SGPL1: variants seen among roughly 807,000 people sequenced by gnomAD.
SGPL1 encodes the protein SP-lyase 1.
Under a neutral mutation model 68.9 loss-of-function variants are expected in SGPL1, and 37 were observed. That is an observed-to-expected ratio of 0.54 (90% CI 0.41 to 0.71). SGPL1 has a LOEUF of 0.71. Among genes scored for constraint, SGPL1 ranks in the 30% least tolerant of loss-of-function variants. The pLI, the probability that SGPL1 is intolerant of heterozygous loss-of-function variation, is 0.00. For synonymous variants in SGPL1, 236 were observed against 248.5 expected (o/e 0.95, Z 0.47); for missense variants, 551 against 704.6 (o/e 0.78, Z 2.47).
At chr10:70,856,558 A>G (rs1339190513) in intron 5 of SGPL1, among the ~76,000 whole-genome samples, 1 of 152,238 alleles carries the variant, frequency 6.6e-6, no homozygotes, top group African/African-American at 2.4e-5. Flanking sequence ...TATTTTTGAA[A>G]GGCTGGTGAC....
chr10:70,855,654 CTAT>C lies in SGPL1; in HGVS notation c.409+805_409+807del, dbSNP rs1448769562. On this transcript the variant is annotated intron_variant, in intron 5 of 14. Transcript: ENST00000373202. Reference sequence around the variant, plus strand: ...ATTCAGTAAATGTTAAACATTATTGCTATTATTAACTCAAACAGATTTATGTTT... The same window carrying C: ...ATTCAGTAAATGTTAAACATTATTGCTATTAACTCAAACAGATTTATGTTT... Among the ~76,000 whole-genome samples the C allele has an allele frequency of 3.3e-5, 5 of 152,274 alleles. No individual in the cohort carries two copies. The East Asian group carries it at 7.7e-4, about 23-fold the overall frequency.
In SGPL1 at chr10:70,878,060, ACC is replaced by A. The variant is rs1475635692; in HGVS notation, c.*727_*728del. 6.6e-6 allele frequency: 1 copy of A among 151,658 alleles called. No individual in the cohort carries two copies. 9.4% of individuals were successfully genotyped at this position (151,658 alleles called of 1,614,324 possible). On this transcript the variant is annotated 3_prime_UTR_variant, in exon 15 of 15. Coordinates refer to ENST00000373202, the MANE Select transcript of SGPL1 (RefSeq NM_003901.4). ...TCTTGAACTCCTGACCTCAGGTGATACCCGCCCCCCCGCCTCAGCCTCCCAAA... is the reference window on the plus strand; with the variant it reads ...TCTTGAACTCCTGACCTCAGGTGATACGCCCCCCCGCCTCAGCCTCCCAAA...
In SGPL1 at chr10:70,855,188, G is replaced by A. The variant is rs182978568; in HGVS notation, c.409+333G>A. On this transcript the variant is annotated intron_variant, in intron 5 of 14. Transcript: ENST00000373202. ...AGATCCATGTAAAAATGTGAAATCT[G>A]CATAAAGGCACAAAAGAAAATAAGT... 4.6e-5 allele frequency among the ~76,000 whole-genome samples: 7 copies of A among 152,312 alleles called. No homozygotes were observed. The East Asian group carries it at 1.2e-3, about 25-fold the overall frequency.
intron 1 of SGPL1, among the ~76,000 whole-genome samples, chr10:70,816,561 C>T (rs1219062079): frequency 6.6e-6 from 1 of 152,186 alleles, no homozygotes; most frequent in African/African-American, 2.4e-5. Context: ...CCCTAGTTTC[C>T]ACCTGGGTGG....
At chr10:70,844,392 T>C in intron 2 of SGPL1, 81 bp from the exon 3 acceptor site, 1 of 1,296,400 alleles carries the variant, frequency 7.7e-7, no homozygotes, top group Non-Finnish European at 1.1e-6. Context: ...CCTTGAAAAA[T>C]GAGAGTTGAA....
chr10:70,852,733 C>T (rs965132052), intron 4 of SGPL1, among the ~76,000 whole-genome samples: 15 of 149,540 alleles, frequency 1.0e-4, no homozygotes, highest in African/African-American at 3.0e-4. Flanking sequence ...TGTGTGCGCG[C>T]GCACGCGTGT....
intron 2 of SGPL1, among the ~76,000 whole-genome samples, chr10:70,839,364 A>G (rs1186599795): frequency 2.6e-5 from 4 of 151,158 alleles, no homozygotes; most frequent in Non-Finnish European, 4.4e-5. Context: ...TTCTAGAGGA[A>G]TACCTTTCCA....
chr10:70,827,929 T>G lies in SGPL1; in HGVS notation c.27+11049T>G, dbSNP rs376427499. Among the ~76,000 whole-genome samples, 28 of 152,330 alleles carry G rather than the reference T, an allele frequency of 1.8e-4. No homozygotes were observed. In the South Asian group the frequency reaches 5.8e-3, roughly 32 times the overall value. On this transcript the variant is annotated intron_variant, in intron 2 of 14. Transcript: ENST00000373202. ...TGTGAGTGGCCTTTTTGCTCAACAT[T>G]GTGTTTGTGAGATTCAGTCATGTTC...
chr10:70,820,596 G>A (rs1251159103), intron 2 of SGPL1: 1 of 152,048 alleles, frequency 6.6e-6, no homozygotes, highest in Non-Finnish European at 1.5e-5. Context: ...TCAACATGGC[G>A]AAACTCTGTC....
chr10:70,867,725 G>A (rs1846220581), intron 7 of SGPL1, among the ~76,000 whole-genome samples: 1 of 152,050 alleles, frequency 6.6e-6, no homozygotes, highest in African/African-American at 2.4e-5. Flanking sequence ...TTTGAACTCT[G>A]GTAAAGAAAT....
At position 70,880,943 on chromosome 10, in the gene SGPL1, G is replaced by A. The variant is rs759903062; in HGVS notation, c.*3608G>A. On this transcript the variant is annotated 3_prime_UTR_variant, in exon 15 of 15. Coordinates refer to ENST00000373202, the MANE Select transcript of SGPL1 (RefSeq NM_003901.4). The stretch of plus-strand genomic sequence containing the variant: ...TTCTCTGTAGGTTCTTGGCAGCAAT[G>A]AGCAGCTTTCACTCAGTGACACAAG... 2 of 152,162 alleles carry A rather than the reference G, an allele frequency of 1.3e-5. No individual in the cohort carries two copies. The highest frequency in any genetic ancestry group is 2.9e-5 in the Non-Finnish European group (2 of 68,052). 9.4% of individuals were successfully genotyped at this position (152,162 alleles called of 1,614,324 possible). A position where few individuals can be genotyped will look rare whatever the true frequency, so the allele number is the denominator to read the frequency against.
rs749229998 is a variant in SGPL1, at chr10:70,871,894, A to G, written c.967A>G (p.Ile323Val). ...HVDACLGGFL[I>V]VFMEKAGYPL... is the part of the protein sequence containing the mutation. ...CGACGCTTGTCTGGGAGGCTTCCTC[A>G]TCGTCTTTATGGAGAAAGCAGGATA... Residue 323 changes from isoleucine (I) to valine (V), a missense_variant, in exon 11 of 15, where the codon ATC (isoleucine) becomes GTC (valine). Coordinates refer to ENST00000373202, the MANE Select transcript of SGPL1 (RefSeq NM_003901.4). 7 of 1,614,000 alleles carry G rather than the reference A, an allele frequency of 4.3e-6. No homozygotes were observed. Among genetic ancestry groups the G allele is most frequent in the African/African-American group, 1.3e-5 (1 of 74,914 alleles).
In SGPL1 at chr10:70,859,503, A is replaced by C; in HGVS notation, c.615+4A>C. Reference sequence around the variant, plus strand: ...GGGACCAGATTCGTGTGGATGTGTAAGTATATGCAAGGGGCATCCAATAGC... The same window carrying C: ...GGGACCAGATTCGTGTGGATGTGTACGTATATGCAAGGGGCATCCAATAGC... On this transcript the variant is annotated splice_donor_region_variant and intron_variant, in intron 7 of 14. Coordinates refer to ENST00000373202, the MANE Select transcript of SGPL1 (RefSeq NM_003901.4). 6.7e-7 allele frequency: 1 copy of C among 1,497,300 alleles called. No individual in the cohort carries two copies. Among genetic ancestry groups the C allele is most frequent in the Non-Finnish European group, 8.9e-7 (1 of 1,117,760 alleles). 92.8% of individuals were successfully genotyped at this position (1,497,300 alleles called of 1,614,324 possible).
At chr10:70,870,323 T>C (rs1341625484) in intron 9 of SGPL1, among the ~76,000 whole-genome samples, 2 of 151,746 alleles carry the variant, frequency 1.3e-5, no homozygotes, top group African/African-American at 4.8e-5. Context: ...CTGAGCAACA[T>C]AGTGAGACCC....
At chr10:70,868,234 C>G in intron 7 of SGPL1, 111 bp from the exon 8 acceptor site, 3 of 768,188 alleles carry the variant, frequency 3.9e-6, no homozygotes. Context: ...TGCCTTGCAG[C>G]ATGCATCCAA....
In SGPL1 at chr10:70,880,955, C is replaced by T; in HGVS notation, c.*3620C>T. The T allele has an allele frequency of 6.6e-6, 1 of 152,162 alleles. No homozygotes were observed. Among genetic ancestry groups the T allele is most frequent in the South Asian group, 2.1e-4 (1 of 4,830 alleles). 9.4% of individuals were successfully genotyped at this position (152,162 alleles called of 1,614,324 possible). A position where few individuals can be genotyped will look rare whatever the true frequency, so the allele number is the denominator to read the frequency against. Reference sequence around the variant, plus strand: ...TCTTGGCAGCAATGAGCAGCTTTCACTCAGTGACACAAGTAATTACTGAGT... The same window carrying T: ...TCTTGGCAGCAATGAGCAGCTTTCATTCAGTGACACAAGTAATTACTGAGT... On this transcript the variant is annotated 3_prime_UTR_variant, in exon 15 of 15. Transcript: ENST00000373202.
At position 70,879,845 on chromosome 10, in the gene SGPL1, A is replaced by T. The variant is rs1846469735; in HGVS notation, c.*2510A>T. The T allele has an allele frequency of 6.6e-6, 1 of 152,646 alleles. No individual in the cohort carries two copies. Among genetic ancestry groups the T allele is most frequent in the African/African-American group, 2.4e-5 (1 of 41,444 alleles). The allele number at this position is 152,646 out of a possible 1,614,324, so 9.5% of individuals were successfully genotyped here. On this transcript the variant is annotated 3_prime_UTR_variant, in exon 15 of 15. Transcript: ENST00000373202. The stretch of plus-strand genomic sequence containing the variant: ...TACTCTGTAGCAGAGGTGGGTAGAG[A>T]CACTTAATAGTATCATGTCGCATGC...
intron 7 of SGPL1, among the ~76,000 whole-genome samples, chr10:70,864,382 T>G (rs1161075546): frequency 1.3e-5 from 2 of 152,184 alleles, no homozygotes; most frequent in Non-Finnish European, 2.9e-5. Context: ...ATCTCTGTCT[T>G]TTTTAAATCT....
intron 11 of SGPL1, 92 bp from the exon 12 acceptor site, chr10:70,873,259 A>G (rs2131946047): frequency 1.1e-6 from 1 of 923,148 alleles, no homozygotes; most frequent in Non-Finnish European, 1.8e-6. Context: ...TGAGAAATAA[A>G]TAGGATTTCC....
Sources: gnomAD v4.1 joint callset for allele counts (sites outside exome capture counted in the v4.1 genomes callset) on GRCh38, gnomAD v4.1.1 for gene constraint, MANE v1.5 for transcripts, NCBI Gene and HGNC (gene_info 2026-07-23, HGNC 2026-07-21) for gene names.